FAAH2: variants seen among roughly 807,000 people sequenced by gnomAD.
FAAH2 encodes fatty-acid amide hydrolase 2.
In FAAH2, 60 loss-of-function variants were observed where a neutral mutation model predicts 36.9. The ratio of observed to expected loss-of-function variants is 1.63; its 90% CI spans 1.32 to 2.02. The LOEUF (loss-of-function observed/expected upper bound fraction) is 2.02, where lower values mean the gene tolerates loss of function less well. FAAH2 is among the 30% of genes most tolerant of loss of function. The pLI, the probability that FAAH2 is intolerant of heterozygous loss-of-function variation, is 0.00. For synonymous variants in FAAH2, 214 were observed against 143.8 expected, an observed-to-expected ratio of 1.49 and a Z score of -3.49; for missense variants, 689 against 397.5, an observed-to-expected ratio of 1.73 and a Z score of -6.23.
intron 2 of FAAH2, among the ~76,000 whole-genome samples, chrX:57,301,209 A>T (rs2052351915): frequency 9.1e-6 from 1 of 109,308 alleles, no homozygotes; most frequent in Non-Finnish European, 1.9e-5. Flanking sequence ...CTTGGAACCA[A>T]CCGAAATGTC....
chrX:57,344,039 A>T (rs191890456), intron 5 of FAAH2, among the ~76,000 whole-genome samples: 1 of 110,894 alleles, frequency 9.0e-6, no homozygotes, highest in East Asian at 2.8e-4. Flanking sequence ...TAAGTTGGGT[A>T]AAGTGATTTA....
the FAAH2 span, among the ~76,000 whole-genome samples, chrX:57,214,059 GTTAT>G: frequency 9.0e-6 from 1 of 111,442 alleles, no homozygotes; most frequent in African/African-American, 3.2e-5. Flanking sequence ...ATATAATTGT[GTTAT>G]TTGTCTTTTT....
intron 10 of FAAH2, among the ~76,000 whole-genome samples, chrX:57,483,020 G>A (rs1014777201): frequency 8.2e-5 from 9 of 110,203 alleles, no homozygotes; most frequent in Admixed American, 7.8e-4. Flanking sequence ...TATCTCACAG[G>A]TGTTCTCTGA....
chrX:57,246,501 A>T, the FAAH2 span, among the ~76,000 whole-genome samples: 3 of 111,791 alleles, frequency 2.7e-5, no homozygotes, highest in Non-Finnish European at 5.6e-5. Flanking sequence ...ATCCAGCAGC[A>T]CATCAAAAAG....
intron 4 of FAAH2, among the ~76,000 whole-genome samples, chrX:57,340,196 T>G (rs945919509): frequency 8.9e-6 from 1 of 111,793 alleles, no homozygotes; most frequent in Non-Finnish European, 1.9e-5. Flanking sequence ...ACAGGAAGCA[T>G]GCAGCATGGA....
the FAAH2 span, among the ~76,000 whole-genome samples, chrX:57,185,488 CTG>C: frequency 0.1 from 9,589 of 93,187 alleles, 424 homozygotes; most frequent in Non-Finnish European, 0.13. Flanking sequence ...CTCTCTGTCT[CTG>C]TGTGTGTGTG....
chrX:57,399,185 T>A (rs2055374401), intron 7 of FAAH2, among the ~76,000 whole-genome samples: 1 of 111,213 alleles, frequency 9.0e-6, no homozygotes. Flanking sequence ...GGGATTGAAA[T>A]GTGTGTCCTG....
At chrX:57,392,012 A>G (rs1219792914) in intron 7 of FAAH2, among the ~76,000 whole-genome samples, 1 of 110,949 alleles carries the variant, frequency 9.0e-6, no homozygotes, top group African/African-American at 3.3e-5. Context: ...ATTTCTCCTT[A>G]TAGTGATCTT....
chrX:57,464,835 A>G (rs1377544238), intron 10 of FAAH2, among the ~76,000 whole-genome samples: 1 of 111,574 alleles, frequency 9.0e-6, no homozygotes, highest in Non-Finnish European at 1.9e-5. Context: ...TATACCATTT[A>G]ATATATAATA....
chrX:57,386,540 T>C (rs1361715674), intron 7 of FAAH2, among the ~76,000 whole-genome samples: 1 of 111,442 alleles, frequency 9.0e-6, no homozygotes, highest in Non-Finnish European at 1.9e-5. Context: ...CATTGAACTT[T>C]TAGTCCAATG....
chrX:57,434,738 G>A (rs1174091869), intron 8 of FAAH2, among the ~76,000 whole-genome samples: 1 of 111,457 alleles, frequency 9.0e-6, no homozygotes, highest in Non-Finnish European at 1.9e-5. Context: ...ATTTATGGAA[G>A]CATCTCAAGT....
the FAAH2 span, among the ~76,000 whole-genome samples, chrX:57,274,245 T>A: frequency 4.5e-5 from 5 of 111,427 alleles, no homozygotes; most frequent in African/African-American, 1.6e-4. Flanking sequence ...CAATAACAAG[T>A]TCTGAAATTG....
intron 5 of FAAH2, among the ~76,000 whole-genome samples, chrX:57,357,607 AGAG>A (rs975203220): frequency 8.9e-6 from 1 of 112,289 alleles, no homozygotes; most frequent in African/African-American, 3.2e-5. Flanking sequence ...ACTGGTCATT[AGAG>A]AAATGCACAT....
intron 8 of FAAH2, among the ~76,000 whole-genome samples, chrX:57,435,372 A>T (rs1173025322): frequency 9.0e-6 from 1 of 111,330 alleles, no homozygotes; most frequent in African/African-American, 3.3e-5. Context: ...ACTCAAATGG[A>T]TTAAGTACTC....
chrX:57,296,271 A>G (rs4304461), intron 2 of FAAH2, among the ~76,000 whole-genome samples: 59,733 of 109,951 alleles, frequency 0.54, 14,412 homozygotes, highest in Non-Finnish European at 0.75. Flanking sequence ...AGGAACGATC[A>G]GGCAGCAGCA....
intron 10 of FAAH2, among the ~76,000 whole-genome samples, chrX:57,458,084 G>T (rs1327223425): frequency 9.0e-6 from 1 of 111,539 alleles, no homozygotes; most frequent in East Asian, 2.8e-4. Context: ...GCATGGTACT[G>T]CTGCAAAAAA....
intron 3 of FAAH2, among the ~76,000 whole-genome samples, chrX:57,330,426 C>A (rs1382395733): frequency 9.0e-6 from 1 of 111,717 alleles, no homozygotes; most frequent in Non-Finnish European, 1.9e-5. Context: ...TGGTTGCTCT[C>A]AAACCCTGTC....
chrX:57,297,306 C>A (rs890808067), intron 2 of FAAH2, among the ~76,000 whole-genome samples: 1 of 106,897 alleles, frequency 9.4e-6, no homozygotes, highest in African/African-American at 3.4e-5. Flanking sequence ...ATTCAACATT[C>A]TTAAAGAAAA....
Position 57,488,851 on chromosome X carries a change from C to A in FAAH2, c.1518C>A (p.Pro506=). 8.3e-7 allele frequency: 1 copy of A among 1,211,147 alleles called. No homozygotes were observed. Among genetic ancestry groups the A allele is most frequent in the Non-Finnish European group, 1.1e-6 (1 of 895,351 alleles). ...LPLGIQVVAG[P]FNDHLTLAVA... Reference sequence around the variant, plus strand: ...TAGGCATCCAGGTTGTGGCTGGACCCTTTAATGATCATCTGACCCTGGCTG... The same window carrying A: ...TAGGCATCCAGGTTGTGGCTGGACCATTTAATGATCATCTGACCCTGGCTG... Residue 506 remains proline (P), a synonymous_variant, in exon 11 of 11, where the codon CCC becomes CCA. Coordinates refer to ENST00000374900, the MANE Select transcript of FAAH2 (RefSeq NM_174912.4).
Sources: allele counts gnomAD v4.1 joint callset (sites outside exome capture counted in the v4.1 genomes callset), GRCh38; gene constraint gnomAD v4.1.1; transcripts MANE v1.5; gene names NCBI Gene and HGNC (gene_info 2026-07-23, HGNC 2026-07-21).